Variants in FAM168A observed in about 807,000 individuals in gnomAD.
FAM168A encodes protein FAM168A.
A neutral mutation model predicts 28.5 loss-of-function variants in FAM168A; 3 were observed. The ratio of observed to expected loss-of-function variants is 0.11; its 90% CI spans 0.05 to 0.27. FAM168A has a LOEUF of 0.27. Ranked by LOEUF, FAM168A falls within the 10% of genes least tolerant of loss-of-function variation. FAM168A has a pLI of 1.00. For synonymous variants in FAM168A, 122 were observed against 124.2 expected (o/e 0.98, Z 0.12); for missense variants, 222 against 311.5 (o/e 0.71, Z 2.16).
intron 2 of FAM168A, among the ~76,000 whole-genome samples, chr11:73,463,085 C>T (rs1867678092): frequency 6.6e-6 from 1 of 152,034 alleles, no homozygotes; most frequent in Non-Finnish European, 1.5e-5. Flanking sequence ...TCTCATGCCT[C>T]AGCCTCCAAA....
intron 1 of FAM168A, among the ~76,000 whole-genome samples, chr11:73,478,974 TC>T (rs1565263416): frequency 1.3e-5 from 2 of 152,140 alleles, no homozygotes; most frequent in African/African-American, 4.8e-5. Flanking sequence ...TTCCCAACTT[TC>T]CCAGGAATAG....
chr11:73,426,781 A>G (rs377066411), intron 3 of FAM168A, among the ~76,000 whole-genome samples: 4 of 151,928 alleles, frequency 2.6e-5, no homozygotes, highest in African/African-American at 9.7e-5. Context: ...CACCAAAATC[A>G]GAAGCAAAGT....
At chr11:73,495,221 C>T (rs1457892221) in intron 1 of FAM168A, among the ~76,000 whole-genome samples, 3 of 150,522 alleles carry the variant, frequency 2.0e-5, no homozygotes, top group Non-Finnish European at 4.4e-5. Flanking sequence ...CCCAGCTACT[C>T]GGGAGGCTGA....
At chr11:73,511,460 A>G (rs892705195) in intron 1 of FAM168A, among the ~76,000 whole-genome samples, 4 of 151,716 alleles carry the variant, frequency 2.6e-5, no homozygotes, top group Non-Finnish European at 5.9e-5. Context: ...GATGGTCTCG[A>G]TCTCCTGACC....
At chr11:73,430,278 G>GT (rs1491196370) in intron 3 of FAM168A, 3 of 87,364 alleles carry the variant, frequency 3.4e-5, no homozygotes, top group African/African-American at 9.8e-5. Flanking sequence ...GTGTCCCAAG[G>GT]TGTGTGTGTG....
rs139799571 is a variant in FAM168A at position 73,555,274 on chromosome 11, A to G, written c.-19+42649T>C. Among the ~76,000 whole-genome samples, 162 of 152,302 alleles carry G rather than the reference A, an allele frequency of 1.1e-3. 2 individuals are homozygous for G. In the East Asian group the frequency reaches 0.03, roughly 28 times the overall value. The stretch of plus-strand genomic sequence containing the variant: ...CTACCATTAAGCCAAGCAGCTATAC[A>G]TGAGTCAGTCAACAAGGGTACCATT... On this transcript the variant is annotated intron_variant, in intron 1 of 7. Coordinates refer to ENST00000356467, the MANE Select transcript of FAM168A (RefSeq NM_015159.3).
intron 1 of FAM168A, among the ~76,000 whole-genome samples, chr11:73,475,317 C>T (rs757058193): frequency 1.3e-5 from 2 of 151,680 alleles, no homozygotes; most frequent in Non-Finnish European, 2.9e-5. Context: ...ATAATTTTAC[C>T]ACTTACACAG....
intron 1 of FAM168A, among the ~76,000 whole-genome samples, chr11:73,506,024 G>A (rs1372053292): frequency 6.6e-6 from 1 of 152,156 alleles, no homozygotes; most frequent in African/African-American, 2.4e-5. Context: ...GGCATAGGCT[G>A]TTAACCCACT....
chr11:73,525,230 T>C (rs1241801823), intron 1 of FAM168A, among the ~76,000 whole-genome samples: 6 of 152,168 alleles, frequency 3.9e-5, no homozygotes, highest in Non-Finnish European at 8.8e-5. Context: ...CTAAGAAACA[T>C]ACAGACACGT....
chr11:73,530,809 C>A (rs1943506468), intron 1 of FAM168A, among the ~76,000 whole-genome samples: 1 of 152,058 alleles, frequency 6.6e-6, no homozygotes, highest in African/African-American at 2.4e-5. Flanking sequence ...TGTTATGATC[C>A]TGGTCATAGA....
At chr11:73,557,338 G>A (rs1943902910) in intron 1 of FAM168A, among the ~76,000 whole-genome samples, 1 of 152,132 alleles carries the variant, frequency 6.6e-6, no homozygotes, top group East Asian at 1.9e-4. Flanking sequence ...GCTGGGGTAG[G>A]GGAGAAATGA....
chr11:73,490,825 CTTG>C (rs1161362671), intron 1 of FAM168A, among the ~76,000 whole-genome samples: 2 of 151,988 alleles, frequency 1.3e-5, no homozygotes, highest in African/African-American at 4.8e-5. Flanking sequence ...TATTTTTTAT[CTTG>C]TTGTATGTCT....
At chr11:73,452,886 T>C (rs372504356) in intron 2 of FAM168A, among the ~76,000 whole-genome samples, 10 of 152,106 alleles carry the variant, frequency 6.6e-5, no homozygotes, top group South Asian at 2.1e-4. Context: ...CTCAACACTA[T>C]GCTGCAGGTT....
rs143380609 is a variant in FAM168A, at chr11:73,573,671, G to T, written c.-19+24252C>A. The stretch of plus-strand genomic sequence containing the variant: ...CAGTGAATTCCGACGGGGCACAGTG[G>T]CTCATGCCCGTAATCCCAGCACTTT... On this transcript the variant is annotated intron_variant, in intron 1 of 7. Transcript: ENST00000356467. 4.3e-3 allele frequency among the ~76,000 whole-genome samples: 648 copies of T among 152,278 alleles called. 21 individuals carry two copies. The highest frequency in any genetic ancestry group is 1.7e-3 in the Non-Finnish European group (119 of 68,030).
At chr11:73,440,172 C>G (rs1231772900) in intron 2 of FAM168A, among the ~76,000 whole-genome samples, 6 of 152,248 alleles carry the variant, frequency 3.9e-5, no homozygotes, top group Middle Eastern at 3.4e-3. Flanking sequence ...AAGTGTGAGC[C>G]ACTGCGCCTG....
At chr11:73,512,454 G>T (rs995725434) in intron 1 of FAM168A, among the ~76,000 whole-genome samples, 1 of 152,092 alleles carries the variant, frequency 6.6e-6, no homozygotes. Flanking sequence ...TATTTTGAGG[G>T]TGATGAAAAT....
chr11:73,561,076 A>AC, intron 1 of FAM168A, among the ~76,000 whole-genome samples: 1 of 148,926 alleles, frequency 6.7e-6, no homozygotes, highest in African/African-American at 2.5e-5. Flanking sequence ...AAAAAAAACA[A>AC]AAAACAAAAA....
At chr11:73,451,542 T>C (rs1027045473) in intron 2 of FAM168A, among the ~76,000 whole-genome samples, 4 of 145,374 alleles carry the variant, frequency 2.8e-5, no homozygotes, top group African/African-American at 1.1e-4. Flanking sequence ...TAAGACAGTC[T>C]ACAGTCATAT....
intron 1 of FAM168A, among the ~76,000 whole-genome samples, chr11:73,581,101 C>T (rs976808037): frequency 6.6e-6 from 1 of 152,202 alleles, no homozygotes; most frequent in Admixed American, 6.5e-5. Context: ...AGTTGTTAAA[C>T]AACATGCTAA....
Sources: allele counts gnomAD v4.1 joint callset (sites outside exome capture counted in the v4.1 genomes callset), GRCh38; gene constraint gnomAD v4.1.1; transcripts MANE v1.5; gene names NCBI Gene and HGNC (gene_info 2026-07-23, HGNC 2026-07-21).